C4BPA: variants seen among roughly 807,000 people sequenced by gnomAD.
The protein encoded by C4BPA is complement component 4 binding protein alpha, also known as C4b-binding protein alpha chain.
Under a neutral mutation model 63.7 loss-of-function variants are expected in C4BPA, and 31 were observed. That is an observed-to-expected ratio of 0.49 (90% CI 0.37 to 0.66). The LOEUF (loss-of-function observed/expected upper bound fraction) is 0.66, where lower values mean the gene tolerates loss of function less well. C4BPA is among the 30% of genes least tolerant of loss of function. C4BPA has a pLI of 0.00. For missense variants in C4BPA, 572 were observed against 723.3 expected (o/e 0.79, Z 2.40); for synonymous variants, 259 against 254.7 (o/e 1.02, Z -0.16).
At chr1:207,111,826 A>G (rs927278081) in intron 1 of C4BPA, among the ~76,000 whole-genome samples, 1 of 152,336 alleles carries the variant, frequency 6.6e-6, no homozygotes, top group East Asian at 1.9e-4. Context: ...AACCATCTGG[A>G]TCTAACAAAG....
At chr1:207,139,324 G>C (rs1276404758) in intron 9 of C4BPA, among the ~76,000 whole-genome samples, 2 of 152,202 alleles carry the variant, frequency 1.3e-5, no homozygotes, top group Non-Finnish European at 2.9e-5. Context: ...GTAGTAGACA[G>C]ATAAGAATTT....
Position 207,115,471 on chromosome 1 carries a change from A to G in C4BPA, c.384A>G (p.Thr128=), listed in dbSNP as rs779480901. 6.3e-7 allele frequency: 1 copy of G among 1,598,508 alleles called. No individual in the cohort carries two copies. Among genetic ancestry groups the G allele is most frequent in the South Asian group, 1.1e-5 (1 of 87,922 alleles). Residue 128 remains threonine, a synonymous_variant, in exon 4 of 12, where the codon ACA becomes ACG. Transcript: ENST00000367070. The stretch of plus-strand genomic sequence containing the variant: ...GTAATGGGCAAGTAGAGATTAAGAC[A>G]GATTTATCTTTTGGATCACAAATAG... ...ELRNGQVEIK[T]DLSFGSQIEF...
intron 6 of C4BPA, among the ~76,000 whole-genome samples, chr1:207,126,291 T>C (rs891886506): frequency 5.8e-4 from 86 of 147,912 alleles, no homozygotes; most frequent in African/African-American, 2.1e-3. Context: ...TATAAAAATA[T>C]ATAATATATA....
At chr1:207,134,698 C>A in intron 9 of C4BPA, 106 bp downstream of exon 9, 2 of 742,098 alleles carry the variant, frequency 2.7e-6, no homozygotes, top group Non-Finnish European at 2.2e-6. Context: ...ATATACCTTG[C>A]ATGATTCTTG....
intron 1 of C4BPA, among the ~76,000 whole-genome samples, chr1:207,109,069 C>T (rs1335702550): frequency 6.6e-6 from 1 of 152,082 alleles, no homozygotes; most frequent in Non-Finnish European, 1.5e-5. Context: ...TGGATGACTT[C>T]CTTTCAGGAA....
At chr1:207,134,306 A>T in intron 8 of C4BPA, 98 bp from the exon 9 acceptor site, 1 of 854,150 alleles carries the variant, frequency 1.2e-6, no homozygotes, top group Non-Finnish European at 1.9e-6. Context: ...ATCTCTCTTC[A>T]GTGGTGAGAT....
At chr1:207,144,516 A>C (rs1281099163) in intron 11 of C4BPA, 28 bp from the exon 12 acceptor site, 1 of 1,559,610 alleles carries the variant, frequency 6.4e-7, no homozygotes, top group East Asian at 2.3e-5. Context: ...GAAGCTTCTC[A>C]ATCACACCCA....
chr1:207,114,101 C>A lies in C4BPA; in HGVS notation c.144C>A (p.Gly48=), dbSNP rs773226295. Residue 48 remains glycine (G), a splice_region_variant and synonymous_variant, in exon 3 of 12, where the codon GGC becomes GGA. Coordinates refer to ENST00000367070, the MANE Select transcript of C4BPA (RefSeq NM_000715.4). ...GCTCCTTCTCATTTTGGTGTCCAGGCAATTGTGGTCCTCCACCCACTTTAT... is the reference window on the plus strand; with the variant it reads ...GCTCCTTCTCATTTTGGTGTCCAGGAAATTGTGGTCCTCCACCCACTTTAT... ...LIAALLPAVL[G]NCGPPPTLSF... 1.2e-6 allele frequency: 2 copies of A among 1,610,518 alleles called. No homozygotes were observed. The highest frequency in any genetic ancestry group is 2.2e-5 in the East Asian group (1 of 44,780).
intron 1 of C4BPA, among the ~76,000 whole-genome samples, chr1:207,109,524 T>C (rs1019841393): frequency 7.2e-5 from 11 of 152,238 alleles, no homozygotes; most frequent in African/African-American, 2.4e-4. Flanking sequence ...TCCATGGGAC[T>C]CGGTTCCCAT....
chr1:207,124,049 T>C lies in C4BPA; in HGVS notation c.514+42T>C, dbSNP rs372324807. The C allele has an allele frequency of 7.5e-4, 1,132 of 1,519,342 alleles. 1 individual carries two copies. The highest frequency in any genetic ancestry group is 9.8e-4 in the Non-Finnish European group (1,076 of 1,094,898). The allele number at this position is 1,519,342 out of a possible 1,614,324, so 94.1% of individuals were successfully genotyped here. Reference sequence around the variant, plus strand: ...CTGACTTGACTATCAATTTAAACTCTGTTAGGTAATAAAGTCCCTGTGCAT... The same window carrying C: ...CTGACTTGACTATCAATTTAAACTCCGTTAGGTAATAAAGTCCCTGTGCAT... On this transcript the variant is annotated intron_variant, in intron 5 of 11. Coordinates refer to ENST00000367070, the MANE Select transcript of C4BPA (RefSeq NM_000715.4).
chr1:207,112,944 T>A (rs188952001), intron 1 of C4BPA, 57 bp from the exon 2 acceptor site: 40 of 1,450,090 alleles, frequency 2.8e-5, no homozygotes, highest in Middle Eastern at 1.9e-4. Flanking sequence ...TTTATTCTAG[T>A]GCTTTATGAC....
rs139219987 is a variant in C4BPA, at chr1:207,135,749, C to A, written c.1273+1157C>A. ...AAGATAGTATCCCATCACTGTCAAG[C>A]ATTGCCTCCCAGCTGGCACTTCAAC... On this transcript the variant is annotated intron_variant, in intron 9 of 11. Coordinates refer to ENST00000367070, the MANE Select transcript of C4BPA (RefSeq NM_000715.4). Among the ~76,000 whole-genome samples, 44 of 152,332 alleles carry A rather than the reference C, an allele frequency of 2.9e-4. 1 individual carries two copies. In the East Asian group the frequency reaches 7.7e-3, roughly 27 times the overall value.
At chr1:207,143,045 T>C (rs1685454679) in intron 10 of C4BPA, among the ~76,000 whole-genome samples, 1 of 152,192 alleles carries the variant, frequency 6.6e-6, no homozygotes, top group Admixed American at 6.5e-5. Context: ...TGTATGTTTA[T>C]TGCAGCACTA....
rs188224469 is a variant in C4BPA, at chr1:207,127,737, G to A, written c.889+842G>A. On this transcript the variant is annotated intron_variant, in intron 7 of 11. Transcript: ENST00000367070. ...GTGATCAAAGGGATTACAACAAACCGAGAAGCATTTATTCAGCAAAAATAT... is the reference window on the plus strand; with the variant it reads ...GTGATCAAAGGGATTACAACAAACCAAGAAGCATTTATTCAGCAAAAATAT... Among the ~76,000 whole-genome samples, 106 of 152,242 alleles carry A rather than the reference G, an allele frequency of 7.0e-4. 1 individual carries two copies. The highest frequency in any genetic ancestry group is 2.3e-3 in the African/African-American group (96 of 41,562).
intron 2 of C4BPA, among the ~76,000 whole-genome samples, chr1:207,113,638 A>G (rs544531190): frequency 1.3e-5 from 2 of 152,336 alleles, no homozygotes; most frequent in South Asian, 4.1e-4. Context: ...TGTTATTTTT[A>G]CCCATTTCCC....
At position 207,143,968 on chromosome 1, in the gene C4BPA, A is replaced by T. The variant is rs1685477869; in HGVS notation, c.1595A>T (p.Tyr532Phe). 1 of 1,594,608 alleles carries T rather than the reference A, an allele frequency of 6.3e-7. No homozygotes were observed. Among genetic ancestry groups the T allele is most frequent in the African/African-American group, 1.3e-5 (1 of 74,266 alleles). The change falls in exon 11 of 12, where the codon TAC becomes TTC. Residue 532 changes from tyrosine (Y) to phenylalanine (F), a missense_variant. Around this residue, in one of 2 missense-constraint regions of C4BPA, gnomAD observed 465 missense variants for 629.4 expected, o/e 0.74. Transcript: ENST00000367070. ...SITCSGNRTW[Y>F]PEVPKCEWET... ...ACTTGCTCTGGGAACAGAACCTGGTACCCAGAGGTGCCCAAGTGTGAGTGG... is the reference window on the plus strand; with the variant it reads ...ACTTGCTCTGGGAACAGAACCTGGTTCCCAGAGGTGCCCAAGTGTGAGTGG...
intron 1 of C4BPA, among the ~76,000 whole-genome samples, chr1:207,106,100 G>A (rs1157271118): frequency 6.6e-6 from 1 of 152,148 alleles, no homozygotes; most frequent in African/African-American, 2.4e-5. Context: ...TTAGACTGTG[G>A]TATTGCTGGA....
At chr1:207,131,780 C>A in intron 8 of C4BPA, 40 bp downstream of exon 8, 1 of 1,324,520 alleles carries the variant, frequency 7.5e-7, no homozygotes, top group South Asian at 1.3e-5. Flanking sequence ...TATTAAATGT[C>A]CAGTATGTGC....
At chr1:207,114,461 A>G (rs1684739667) in intron 3 of C4BPA, among the ~76,000 whole-genome samples, 176 bp downstream of exon 3, 1 of 143,130 alleles carries the variant, frequency 7.0e-6, no homozygotes, top group African/African-American at 2.6e-5. Flanking sequence ...GGGGTAGTTA[A>G]TTGCATTGAA....
Sources: allele counts gnomAD v4.1 joint callset (sites outside exome capture counted in the v4.1 genomes callset), GRCh38; gene constraint gnomAD v4.1.1; regional missense constraint gnomAD v4.1.1; transcripts MANE v1.5; gene names NCBI Gene and HGNC (gene_info 2026-07-23, HGNC 2026-07-21).